The following SUGP1 variants were observed in gnomAD, a reference collection of about 807,000 sequenced individuals.
The protein encoded by SUGP1 is SURP and G-patch domain-containing protein 1.
In SUGP1, 34 loss-of-function variants were observed where a neutral mutation model predicts 76.5. The observed-to-expected ratio is 0.44, with a 90% CI of 0.34 to 0.59. SUGP1 has a LOEUF of 0.59. Among genes scored for constraint, SUGP1 ranks in the 20% least tolerant of loss-of-function variants. The pLI is 0.01. For missense variants in SUGP1, 752 were observed against 851.7 expected, an observed-to-expected ratio of 0.88 and a Z score of 1.46; for synonymous variants, 326 against 326.2, an observed-to-expected ratio of 1.00 and a Z score of 0.01.
rs768321863 is a variant in SUGP1 at position 19,304,093 on chromosome 19, C to T, written c.539-246G>A. The T allele has an allele frequency of 7.0e-6, 10 of 1,428,900 alleles. No homozygotes were observed. The South Asian group carries it at 1.4e-4, about 20-fold the overall frequency. 88.5% of individuals were successfully genotyped at this position (1,428,900 alleles called of 1,614,324 possible). On this transcript the variant is annotated intron_variant, in intron 4 of 13. Coordinates refer to ENST00000247001, the MANE Select transcript of SUGP1 (RefSeq NM_172231.4). ...GCTGTGGTGAGCTCCAGGCTGGAAG[C>T]TAGCAGAAAATATATCCAGCTTCCC... is the stretch of plus-strand genomic sequence containing the variant.
intron 8 of SUGP1, among the ~76,000 whole-genome samples, chr19:19,284,986 G>A (rs1031479975): frequency 2.6e-4 from 40 of 151,454 alleles, no homozygotes; most frequent in African/African-American, 9.5e-4. Context: ...TCCTGCCTCA[G>A]CCTCCCGAGT....
chr19:19,294,457 C>T (rs1422392005), intron 8 of SUGP1, among the ~76,000 whole-genome samples: 1 of 138,284 alleles, frequency 7.2e-6, no homozygotes, highest in Admixed American at 8.0e-5. Flanking sequence ...TTGGGGAGGT[C>T]GAGGCTGCAG....
chr19:19,286,762 GGCCAGGCGCAGCGGGTCAT>G (rs939885766), intron 8 of SUGP1, among the ~76,000 whole-genome samples: 5 of 152,120 alleles, frequency 3.3e-5, no homozygotes, highest in African/African-American at 1.2e-4. Context: ...AAATAGGTCT[GGCCAGGCGCAGCGGGTCAT>G]GCCTACAATC....
chr19:19,288,794 C>CT (rs924239683), intron 8 of SUGP1, among the ~76,000 whole-genome samples: 12 of 150,724 alleles, frequency 8.0e-5, no homozygotes, highest in Non-Finnish European at 1.3e-4. Flanking sequence ...CTTTTTTTTT[C>CT]TTTTTTTGTG....
chr19:19,310,325 T>C (rs2061344825), intron 2 of SUGP1, 125 bp from the exon 3 acceptor site: 1 of 718,972 alleles, frequency 1.4e-6, no homozygotes, highest in African/African-American at 1.8e-5. Context: ...CCCAGCACTC[T>C]CACCTACTGG....
intron 2 of SUGP1, among the ~76,000 whole-genome samples, chr19:19,315,854 CAG>C (rs1241267528): frequency 6.6e-6 from 1 of 151,340 alleles, no homozygotes; most frequent in East Asian, 1.9e-4. Flanking sequence ...TTTTTTGAGA[CAG>C]AGTCTCACTC....
At position 19,276,362 on chromosome 19, in the gene SUGP1, C is replaced by T. The variant is rs540249954; in HGVS notation, c.*286G>A. Reference sequence around the variant, plus strand: ...CACTGCACCTGGCCTTCCAGCTTTACTATGCTGAAAACAACTTTCTTCCTC... The same window carrying T: ...CACTGCACCTGGCCTTCCAGCTTTATTATGCTGAAAACAACTTTCTTCCTC... On this transcript the variant is annotated 3_prime_UTR_variant, in exon 14 of 14. Coordinates refer to ENST00000247001, the MANE Select transcript of SUGP1 (RefSeq NM_172231.4). 7.7e-6 allele frequency: 3 copies of T among 389,136 alleles called. No individual in the cohort carries two copies. The highest frequency in any genetic ancestry group is 1.4e-5 in the Non-Finnish European group (3 of 210,670). The allele number at this position is 389,136 out of a possible 1,614,324, so 24.1% of individuals were successfully genotyped here.
At chr19:19,280,458 G>A (rs2061089544) in intron 8 of SUGP1, 167 bp from the exon 9 acceptor site, 4 of 628,090 alleles carry the variant, frequency 6.4e-6, no homozygotes, top group Admixed American at 2.6e-5. Context: ...TCGGGGTCCC[G>A]CTGTGTGCTG....
chr19:19,295,410 C>G (rs1416025441), intron 8 of SUGP1, among the ~76,000 whole-genome samples: 2 of 151,762 alleles, frequency 1.3e-5, no homozygotes, highest in Non-Finnish European at 2.9e-5. Flanking sequence ...CGAGATCATC[C>G]TGGCTAACAT....
intron 8 of SUGP1, among the ~76,000 whole-genome samples, chr19:19,295,664 C>T (rs144913812): frequency 0.011 from 1,667 of 148,540 alleles, 40 homozygotes; most frequent in African/African-American, 0.039. Context: ...GAGCTGAGAT[C>T]GTGCCACTTG....
In SUGP1 at chr19:19,277,036, G is replaced by T. The variant is rs747643478; in HGVS notation, c.1822C>A (p.Arg608=). ...TVDGAGFGID[R]PAELSKEDDE... The stretch of plus-strand genomic sequence containing the variant: ...TCCTCCTTGGAGAGCTCCGCCGGCC[G>T]GTCAATGCCGAAGCCAGCGCCGTCC... The change falls in exon 13 of 14, where the codon CGG becomes AGG. Residue 608 remains arginine (R), a synonymous_variant. Transcript: ENST00000247001. 1 of 1,612,456 alleles carries T rather than the reference G, an allele frequency of 6.2e-7. No homozygotes were observed. Among genetic ancestry groups the T allele is most frequent in the South Asian group, 1.1e-5 (1 of 91,018 alleles).
At chr19:19,283,588 G>A (rs1041223710) in intron 8 of SUGP1, among the ~76,000 whole-genome samples, 1 of 152,138 alleles carries the variant, frequency 6.6e-6, no homozygotes, top group African/African-American at 2.4e-5. Context: ...CCGAGTAGCC[G>A]GGACTACAGG....
rs759982073 is a variant in SUGP1 at position 19,302,319 on chromosome 19, C to T, written c.833G>A (p.Gly278Asp). Reference sequence around the variant, plus strand: ...GAGGGCAATGGTTTCCACCTCGGGACCCCCGTCCGCTATGAACCTGGCCAA... The same window carrying T: ...GAGGGCAATGGTTTCCACCTCGGGATCCCCGTCCGCTATGAACCTGGCCAA... The part of the protein sequence containing the change: ...EKLARFIADG[G>D]PEVETIALQN... Residue 278 changes from glycine to aspartate, a missense_variant, in exon 7 of 14, where the codon GGT (glycine) becomes GAT (aspartate). Gly to Asp is a moderately conservative substitution (Grantham distance 94). Coordinates refer to ENST00000247001, the MANE Select transcript of SUGP1 (RefSeq NM_172231.4). The T allele has an allele frequency of 3.1e-6, 5 of 1,614,082 alleles. No individual in the cohort carries two copies. Among genetic ancestry groups the T allele is most frequent in the Non-Finnish European group, 4.2e-6 (5 of 1,179,928 alleles).
intron 8 of SUGP1, among the ~76,000 whole-genome samples, chr19:19,288,846 C>CGCGATCTCAGCTCACT (rs2061161013): frequency 2.0e-5 from 3 of 151,932 alleles, no homozygotes; most frequent in Admixed American, 2.0e-4. Context: ...AGTGCAGTGG[C>CGCGATCTCAGCTCACT]GCGATCTCAG....
intron 3 of SUGP1, among the ~76,000 whole-genome samples, chr19:19,308,287 G>A (rs533578361): frequency 4.6e-5 from 7 of 152,180 alleles, no homozygotes; most frequent in Admixed American, 6.5e-5. Context: ...TGTCCCCTTC[G>A]GCCTCCCAAA....
chr19:19,285,427 A>G (rs2061132017), intron 8 of SUGP1, among the ~76,000 whole-genome samples: 2 of 152,204 alleles, frequency 1.3e-5, no homozygotes, highest in Non-Finnish European at 2.9e-5. Flanking sequence ...CTGGCCTCCC[A>G]AAGTGCTAGG....
chr19:19,302,673 A>G (rs887367470), intron 6 of SUGP1, among the ~76,000 whole-genome samples: 1 of 151,846 alleles, frequency 6.6e-6, no homozygotes. Context: ...GTAGGGCAGG[A>G]AGGCAGATGG....
chr19:19,282,466 A>G (rs2061106081), intron 8 of SUGP1, among the ~76,000 whole-genome samples: 1 of 151,704 alleles, frequency 6.6e-6, no homozygotes, highest in African/African-American at 2.4e-5. Flanking sequence ...AAGAGACTCA[A>G]TTCAGACCCA....
At chr19:19,289,705 G>A (rs764061699) in intron 8 of SUGP1, among the ~76,000 whole-genome samples, 33 of 152,086 alleles carry the variant, frequency 2.2e-4, no homozygotes, top group Non-Finnish European at 3.7e-4. Flanking sequence ...CCGAGATAGT[G>A]CCACAGCACT....
Sources: allele counts gnomAD v4.1 joint callset (sites outside exome capture counted in the v4.1 genomes callset), GRCh38; gene constraint gnomAD v4.1.1; transcripts MANE v1.5; gene names NCBI Gene and HGNC (gene_info 2026-07-23, HGNC 2026-07-21).